JAK1: variants seen among roughly 807,000 people sequenced by gnomAD.
The protein encoded by JAK1 is Janus kinase 1, also known as tyrosine-protein kinase JAK1.
In JAK1, 16 loss-of-function variants were observed where a neutral mutation model predicts 136.6. The observed-to-expected ratio is 0.12, with a 90% CI of 0.08 to 0.18. The LOEUF (loss-of-function observed/expected upper bound fraction) is 0.18. Among genes scored for constraint, JAK1 ranks in the 10% least tolerant of loss-of-function variants. JAK1 has a pLI of 1.00. For missense variants in JAK1, 859 were observed against 1,450.1 expected (o/e 0.59, Z 6.62); for synonymous variants, 492 against 519.5 (o/e 0.95, Z 0.72).
chr1:64,988,165 T>C (rs1646617951), intron 2 of JAK1, among the ~76,000 whole-genome samples: 1 of 152,202 alleles, frequency 6.6e-6, no homozygotes, highest in Non-Finnish European at 1.5e-5. Flanking sequence ...CCATGGAAAC[T>C]GGCAAACACT....
At chr1:64,885,995 G>C (rs1644847084) in intron 2 of JAK1, among the ~76,000 whole-genome samples, 1 of 152,146 alleles carries the variant, frequency 6.6e-6, no homozygotes, top group Non-Finnish European at 1.5e-5. Context: ...TTAAAATCTA[G>C]AAGAACGTAC....
At chr1:64,876,142 A>G (rs961429476) in intron 4 of JAK1, 1 of 152,170 alleles carries the variant, frequency 6.6e-6, no homozygotes, top group South Asian at 2.1e-4. Flanking sequence ...TGAGGTGCCA[A>G]GGAGAGAGAC....
rs1353709738 is a variant in JAK1, at chr1:64,881,063, G to A, written c.206-1915C>T. ...GCAGGAGGATCACTTGAGGTCAAGAGTTCGACACCAGCCTGGGCAACATAT... is the reference window on the plus strand; with the variant it reads ...GCAGGAGGATCACTTGAGGTCAAGAATTCGACACCAGCCTGGGCAACATAT... On this transcript the variant is annotated intron_variant, in intron 3 of 24. Coordinates refer to ENST00000342505, the MANE Select transcript of JAK1 (RefSeq NM_002227.4). 2.6e-5 allele frequency among the ~76,000 whole-genome samples: 4 copies of A among 152,114 alleles called. No homozygotes were observed. The East Asian group carries it at 7.8e-4, about 30-fold the overall frequency.
intron 2 of JAK1, among the ~76,000 whole-genome samples, chr1:65,013,441 A>C (rs568637753): frequency 5.3e-5 from 8 of 152,104 alleles, no homozygotes; most frequent in Admixed American, 2.6e-4. Context: ...AAAAAAGAAA[A>C]TCCATCAATG....
In JAK1 at chr1:64,864,821, A is replaced by C; in HGVS notation, c.1142T>G (p.Val381Gly). The change falls in exon 8 of 25, where the codon GTG (valine) becomes GGG (glycine). Residue 381 changes from valine to glycine, a missense_variant. Val to Gly is a moderately radical substitution (Grantham distance 109). Coordinates refer to ENST00000342505, the MANE Select transcript of JAK1 (RefSeq NM_002227.4). ...GTTGTCCTGCTTGTTAATGCTGACC[A>C]CAGACTCCTTTATTACAATGTGAGT... ...EITHIVIKESVVSINKQDNKK... is the reference protein window; with the variant it reads ...EITHIVIKESGVSINKQDNKK... 2 of 1,613,888 alleles carry C rather than the reference A, an allele frequency of 1.2e-6. No homozygotes were observed. The highest frequency in any genetic ancestry group is 1.7e-6 in the Non-Finnish European group (2 of 1,179,904).
chr1:64,911,166 A>G (rs1645278856), intron 1 of JAK1, among the ~76,000 whole-genome samples: 1 of 152,234 alleles, frequency 6.6e-6, no homozygotes, highest in Non-Finnish European at 1.5e-5. Context: ...AACTACCAGA[A>G]AGCATCTAAG....
chr1:65,015,788 C>T (rs1306548307), intron 2 of JAK1, among the ~76,000 whole-genome samples: 1 of 152,124 alleles, frequency 6.6e-6, no homozygotes, highest in South Asian at 2.1e-4. Context: ...TTTGGCAATT[C>T]CTCAAAAAGC....
At chr1:64,969,373 T>C (rs1007306627), upstream of JAK1, among the ~76,000 whole-genome samples, 6 of 151,954 alleles carry the variant, frequency 3.9e-5, no homozygotes, top group South Asian at 1.2e-3. Flanking sequence ...TACTAGGTGC[T>C]AGTAGCAAGT....
chr1:64,964,414 G>A (rs1210824355), intron 1 of JAK1, among the ~76,000 whole-genome samples: 2 of 152,200 alleles, frequency 1.3e-5, no homozygotes, highest in Non-Finnish European at 2.9e-5. Context: ...CAACCTACAC[G>A]TTCTCAATGC....
chr1:64,902,583 A>AGAGAGTGAGTGTGTGTGT, intron 1 of JAK1, among the ~76,000 whole-genome samples: 1 of 73,758 alleles, frequency 1.4e-5, no homozygotes, highest in Non-Finnish European at 2.4e-5. Context: ...AGAGAGAGAG[A>AGAGAGTGAGTGTGTGTGT]GTGTGTGTGT....
chr1:64,836,284 C>T (rs954630279), intron 22 of JAK1, 69 bp from the exon 23 acceptor site: 2 of 875,350 alleles, frequency 2.3e-6, no homozygotes, highest in Admixed American at 3.9e-5. Context: ...TACAGGATAA[C>T]TGAAAAATCA....
chr1:64,886,002 G>A lies in JAK1; in HGVS notation c.6+257C>T, dbSNP rs554491037. ...CATGCATATTAAAATCTAGAAGAAC[G>A]TACAATAAATTCTTAATAGTGGTGA... On this transcript the variant is annotated intron_variant, in intron 2 of 24. Transcript: ENST00000342505. 7.9e-5 allele frequency among the ~76,000 whole-genome samples: 12 copies of A among 152,224 alleles called. No homozygotes were observed. The South Asian group carries it at 1.9e-3, about 24-fold the overall frequency.
chr1:64,989,365 A>G (rs2100718839), intron 2 of JAK1: 1 of 150,894 alleles, frequency 6.6e-6, no homozygotes, highest in East Asian at 1.9e-4. Flanking sequence ...ATAAATAAAT[A>G]AATAAAATAA....
At chr1:64,944,979 T>C (rs966312604) in intron 1 of JAK1, among the ~76,000 whole-genome samples, 2 of 151,810 alleles carry the variant, frequency 1.3e-5, no homozygotes, top group East Asian at 3.9e-4. Context: ...ACTTGGCACC[T>C]TGGGCTCACA....
rs999987791 is a variant in JAK1, at chr1:64,903,304, G to C, written c.-77-16963C>G. 3.3e-5 allele frequency among the ~76,000 whole-genome samples: 5 copies of C among 152,294 alleles called. No individual in the cohort carries two copies. In the East Asian group the frequency reaches 9.6e-4, roughly 29 times the overall value. ...GGCCTCCCAAAGTGCTGGGACTACA[G>C]GTGTAAGCCACCGCATCTGGCCCAA... On this transcript the variant is annotated intron_variant, in intron 1 of 24. Transcript: ENST00000342505.
chr1:64,973,659 T>C (rs914514948), intron 2 of JAK1: 99 of 142,076 alleles, frequency 7.0e-4, no homozygotes, highest in African/African-American at 2.6e-3. Context: ...GAAAATCAAA[T>C]GTTGAACCTC....
At chr1:64,969,623 G>A (rs1646432256), upstream of JAK1, among the ~76,000 whole-genome samples, 3 of 152,166 alleles carry the variant, frequency 2.0e-5, no homozygotes, top group South Asian at 4.1e-4. Context: ...GCAGTGGACT[G>A]GGGAAGGATA....
intron 2 of JAK1, among the ~76,000 whole-genome samples, chr1:64,977,227 C>T (rs925265478): frequency 7.2e-5 from 11 of 152,226 alleles, no homozygotes; most frequent in Admixed American, 5.9e-4. Flanking sequence ...ACAGCTCACT[C>T]CAGCCTTGAC....
intron 2 of JAK1, chr1:64,990,473 A>T (rs1164807513): frequency 1.3e-5 from 2 of 152,160 alleles, no homozygotes; most frequent in African/African-American, 4.8e-5. Context: ...CACACACAAA[A>T]AAATAAATAA....
Sources: gnomAD v4.1 joint callset for allele counts (sites outside exome capture counted in the v4.1 genomes callset) on GRCh38, gnomAD v4.1.1 for gene constraint, MANE v1.5 for transcripts, NCBI Gene and HGNC (gene_info 2026-07-23, HGNC 2026-07-21) for gene names.